SV2B: variants seen among roughly 807,000 people sequenced by gnomAD.
SV2B encodes synaptic vesicle glycoprotein 2B, also known as solute carrier family 22 member B2.
SV2B carries 41 observed loss-of-function variants against 73.9 expected under a neutral mutation model. The ratio of observed to expected loss-of-function variants is 0.56; its 90% CI spans 0.43 to 0.72. The LOEUF is 0.72. SV2B is among the 30% of genes least tolerant of loss of function. The probability of loss-of-function intolerance (pLI) is 0.00; values close to 1 mark genes in which losing one functional copy is unlikely to be tolerated. For missense variants in SV2B, 764 were observed against 857.8 expected, an observed-to-expected ratio of 0.89 and a Z score of 1.37; for synonymous variants, 314 against 314.2, an observed-to-expected ratio of 1.00 and a Z score of 0.01.
chr15:91,179,230 T>C (rs1215824068), intron 1 of SV2B, among the ~76,000 whole-genome samples: 1 of 152,240 alleles, frequency 6.6e-6, no homozygotes, highest in African/African-American at 2.4e-5. Context: ...TCCTGAGTTC[T>C]AGTTTGATTG....
chr15:91,270,201 T>G (rs2048246185), intron 9 of SV2B, among the ~76,000 whole-genome samples: 1 of 152,222 alleles, frequency 6.6e-6, no homozygotes, highest in African/African-American at 2.4e-5. Context: ...AAGTTCCCAA[T>G]GTTTAGTGAT....
chr15:91,164,690 T>C (rs925539206), intron 1 of SV2B, among the ~76,000 whole-genome samples: 1 of 152,208 alleles, frequency 6.6e-6, no homozygotes, highest in Non-Finnish European at 1.5e-5. Context: ...CATAATGATA[T>C]ACCACAAATG....
chr15:91,145,816 T>A (rs1273753106), intron 1 of SV2B, among the ~76,000 whole-genome samples: 7 of 152,232 alleles, frequency 4.6e-5, no homozygotes, highest in African/African-American at 1.7e-4. Context: ...TGATGTCCTT[T>A]GCCCACTTTT....
Position 91,228,374 on chromosome 15 carries a change from T to C in SV2B, c.451+1660T>C, listed in dbSNP as rs750785866. Among the ~76,000 whole-genome samples, 154 of 152,190 alleles carry C rather than the reference T, an allele frequency of 1.0e-3. 1 individual carries two copies. Among genetic ancestry groups the C allele is most frequent in the Non-Finnish European group, 2.4e-4 (16 of 68,034 alleles). On this transcript the variant is annotated intron_variant, in intron 2 of 12. Transcript: ENST00000394232. ...TGCTTTTAAGTATAAATAATAGATT[T>C]TTTTTTCAAAGGACAAAACCAAGCA...
At chr15:91,213,204 A>G (rs573526794) in intron 1 of SV2B, among the ~76,000 whole-genome samples, 1 of 152,264 alleles carries the variant, frequency 6.6e-6, no homozygotes, top group Admixed American at 6.5e-5. Flanking sequence ...GAATAGAGGA[A>G]GTCAGGATGC....
intron 1 of SV2B, among the ~76,000 whole-genome samples, chr15:91,114,516 T>C (rs1160025225): frequency 6.6e-6 from 1 of 152,210 alleles, no homozygotes; most frequent in Non-Finnish European, 1.5e-5. Flanking sequence ...CCTGACAATG[T>C]GAGCTTGGTG....
At chr15:91,179,913 G>A (rs1384330646) in intron 1 of SV2B, among the ~76,000 whole-genome samples, 2 of 150,766 alleles carry the variant, frequency 1.3e-5, no homozygotes, top group East Asian at 2.0e-4. Flanking sequence ...ATATTGTTAT[G>A]TGTGAATTTG....
rs989736257 is a variant in SV2B, at chr15:91,298,002, C to T, written c.*5450C>T. 1 of 152,136 alleles carries T rather than the reference C, an allele frequency of 6.6e-6. No homozygotes were observed. The highest frequency in any genetic ancestry group is 2.4e-5 in the African/African-American group (1 of 41,402). 9.4% of individuals were successfully genotyped at this position (152,136 alleles called of 1,614,324 possible). On this transcript the variant is annotated 3_prime_UTR_variant, in exon 13 of 13. Transcript: ENST00000394232. This position sits in a 1 kb window ranked among gnomAD's most constrained non-coding sequence, Gnocchi z 5.4. ...TGTGGCATCCTGTAATTCATTGTGC[C>T]TTATGATGGACCTCTGATTCTATAA...
At chr15:91,149,191 T>C (rs2036801188) in intron 1 of SV2B, among the ~76,000 whole-genome samples, 1 of 152,234 alleles carries the variant, frequency 6.6e-6, no homozygotes, top group Non-Finnish European at 1.5e-5. Context: ...TCTGTCCTGC[T>C]CACGACCTGG....
chr15:91,160,265 A>G (rs1355923840), intron 1 of SV2B, among the ~76,000 whole-genome samples: 1 of 152,222 alleles, frequency 6.6e-6, no homozygotes, highest in Non-Finnish European at 1.5e-5. Flanking sequence ...AATGGCTGAG[A>G]AAATTTTGAT....
chr15:91,151,304 A>G (rs1383742372), intron 1 of SV2B, among the ~76,000 whole-genome samples: 1 of 152,246 alleles, frequency 6.6e-6, no homozygotes, highest in African/African-American at 2.4e-5. Flanking sequence ...TTCCATAGAA[A>G]AGTTAAACTG....
rs917146349 is a variant in SV2B, at chr15:91,276,006, C to T, written c.1374-5722C>T. ...CTCAGTATTTGTTTGTCTGATGGAT[C>T]TGTTTCTTCTCTTCAATTTTGAAAA... is the stretch of plus-strand genomic sequence containing the variant. On this transcript the variant is annotated intron_variant, in intron 9 of 12. Transcript: ENST00000394232. Among the ~76,000 whole-genome samples the T allele has an allele frequency of 2.7e-5, 4 of 149,892 alleles. No homozygotes were observed. The East Asian group carries it at 7.7e-4, about 29-fold the overall frequency.
At chr15:91,272,300 T>C (rs1406450447) in intron 9 of SV2B, among the ~76,000 whole-genome samples, 1 of 152,220 alleles carries the variant, frequency 6.6e-6, no homozygotes, top group Non-Finnish European at 1.5e-5. Context: ...AGGATAGAGT[T>C]TCTACCCAGA....
At chr15:91,191,984 C>A (rs754352288) in intron 1 of SV2B, among the ~76,000 whole-genome samples, 1 of 152,022 alleles carries the variant, frequency 6.6e-6, no homozygotes, top group Non-Finnish European at 1.5e-5. Flanking sequence ...ATTTTTCTGG[C>A]GGTTACCCTT....
chr15:91,104,631 ATATT>A (rs2041828733), intron 1 of SV2B, among the ~76,000 whole-genome samples: 1 of 152,060 alleles, frequency 6.6e-6, no homozygotes, highest in African/African-American at 2.4e-5. Flanking sequence ...AGGGACCTGA[ATATT>A]TATTTATTTA....
At chr15:91,286,065 T>C (rs2048850584) in intron 11 of SV2B, among the ~76,000 whole-genome samples, 1 of 152,198 alleles carries the variant, frequency 6.6e-6, no homozygotes. Flanking sequence ...TATAGCCTAC[T>C]CTCTTGTGAA....
Position 91,123,310 on chromosome 15 carries a change from GTTC to G in SV2B, c.-392+22950_-392+22952del, listed in dbSNP as rs1266514315. Among the ~76,000 whole-genome samples, 6 of 152,116 alleles carry G rather than the reference GTTC, an allele frequency of 3.9e-5. No individual in the cohort carries two copies. Among genetic ancestry groups the G allele is most frequent in the Non-Finnish European group, 7.4e-5 (5 of 68,000 alleles). On this transcript the variant is annotated intron_variant, in intron 1 of 12. Transcript: ENST00000394232. The surrounding 1 kb of genome is among the most constrained non-coding windows in gnomAD (Gnocchi z 4.7). ...AAATTGCAAAGGGAGTAGATTTTGT[GTTC>G]TTATCATACACACATACACACACAA...
At chr15:91,272,857 G>A (rs895137121) in intron 9 of SV2B, among the ~76,000 whole-genome samples, 2 of 132,892 alleles carry the variant, frequency 1.5e-5, no homozygotes, top group African/African-American at 2.9e-5. Flanking sequence ...TTTTTTGATG[G>A]AGTCTCACTC....
intron 9 of SV2B, among the ~76,000 whole-genome samples, chr15:91,272,336 A>G (rs1016984821): frequency 9.9e-5 from 15 of 152,190 alleles, no homozygotes; most frequent in African/African-American, 3.1e-4. Flanking sequence ...GTAATTAATT[A>G]ACAAACTTAC....
Sources: gnomAD v4.1 joint callset for allele counts (sites outside exome capture counted in the v4.1 genomes callset) on GRCh38, gnomAD v4.1.1 for gene constraint, Gnocchi (gnomAD v3.1) non-coding constraint, MANE v1.5 for transcripts, NCBI Gene and HGNC (gene_info 2026-07-23, HGNC 2026-07-21) for gene names.